RALY: variants seen among roughly 807,000 people sequenced by gnomAD.
The protein encoded by RALY is RALY heterogeneous nuclear ribonucleoprotein.
A neutral mutation model predicts 30.7 loss-of-function variants in RALY; 15 were observed. The observed-to-expected ratio is 0.49, with a 90% CI of 0.33 to 0.75. The LOEUF (loss-of-function observed/expected upper bound fraction) is 0.75, where lower values mean the gene tolerates loss of function less well. RALY is among the 30% of genes least tolerant of loss of function. The pLI, the probability that RALY is intolerant of heterozygous loss-of-function variation, is 0.02. For missense variants in RALY, 339 were observed against 414.3 expected, an observed-to-expected ratio of 0.82 and a Z score of 1.58; for synonymous variants, 177 against 170.8, an observed-to-expected ratio of 1.04 and a Z score of -0.28.
At chr20:34,004,868 G>A (rs925076342) in intron 1 of RALY, among the ~76,000 whole-genome samples, 4 of 152,170 alleles carry the variant, frequency 2.6e-5, no homozygotes, top group Admixed American at 6.5e-5. Flanking sequence ...CCATTTCTTT[G>A]TCAGCTTTTA....
rs2033743486 is a variant in RALY at position 34,072,094 on chromosome 20, C to G, written c.20C>G (p.Ala7Gly). 1 of 1,614,044 alleles carries G rather than the reference C, an allele frequency of 6.2e-7. No homozygotes were observed. Among genetic ancestry groups the G allele is most frequent in the Non-Finnish European group, 8.5e-7 (1 of 1,180,002 alleles). ...GGCACCATGTCCTTGAAGCTTCAGG[C>G]AAGCAATGTAACCAACAAGAATGAC... MSLKLQ[A>G]SNVTNKNDPK... Residue 7 changes from alanine (A) to glycine (G), a missense_variant, in exon 3 of 10, where the codon GCA becomes GGA. Ala to Gly is a moderately conservative substitution (Grantham distance 60, BLOSUM62 0). Around this residue, in one of 2 missense-constraint regions of RALY, gnomAD observed 71 missense variants for 133.7 expected, o/e 0.53. Transcript: ENST00000246194.
intron 1 of RALY, among the ~76,000 whole-genome samples, chr20:33,996,828 T>C (rs988061375): frequency 5.3e-5 from 8 of 152,202 alleles, no homozygotes; most frequent in African/African-American, 1.7e-4. Context: ...CGTTCTACTT[T>C]CTGTGAATTT....
At chr20:34,042,347 A>G (rs1233347829) in intron 2 of RALY, among the ~76,000 whole-genome samples, 2 of 152,204 alleles carry the variant, frequency 1.3e-5, no homozygotes, top group Non-Finnish European at 2.9e-5. Flanking sequence ...AGCCCAGCAA[A>G]GGAGAGTAAT....
intron 1 of RALY, among the ~76,000 whole-genome samples, chr20:34,000,133 G>A (rs905276605): frequency 9.2e-5 from 14 of 152,104 alleles, no homozygotes; most frequent in Admixed American, 2.6e-4. Flanking sequence ...ATGTTAACCT[G>A]CTTGTCCTAC....
intron 3 of RALY, among the ~76,000 whole-genome samples, chr20:34,072,691 G>C (rs1044558015): frequency 2.0e-5 from 3 of 152,108 alleles, no homozygotes; most frequent in Admixed American, 1.3e-4. Flanking sequence ...CGAGCAGGAG[G>C]GCCTGAGAGC....
chr20:34,049,641 C>T (rs1463197392), intron 2 of RALY, among the ~76,000 whole-genome samples: 1 of 152,106 alleles, frequency 6.6e-6, no homozygotes, highest in African/African-American at 2.4e-5. Context: ...TAATGATTGG[C>T]GTTTGTTTGG....
intron 1 of RALY, among the ~76,000 whole-genome samples, chr20:34,023,708 A>G (rs1451433910): frequency 6.6e-6 from 1 of 152,084 alleles, no homozygotes; most frequent in Non-Finnish European, 1.5e-5. Context: ...AGCACTGATC[A>G]TATGCTGGAG....
intron 1 of RALY, among the ~76,000 whole-genome samples, chr20:34,015,820 A>G (rs978983719): frequency 2.0e-5 from 3 of 152,182 alleles, no homozygotes; most frequent in East Asian, 1.9e-4. Context: ...CCCCATCCCT[A>G]CAGGCTCAAT....
At chr20:33,994,800 A>T (rs1322024922) in intron 1 of RALY, among the ~76,000 whole-genome samples, 1 of 152,008 alleles carries the variant, frequency 6.6e-6, no homozygotes, top group Non-Finnish European at 1.5e-5. Context: ...TCAGGGAGGG[A>T]ACTAATATGT....
At chr20:34,000,321 A>G (rs567512057) in intron 1 of RALY, among the ~76,000 whole-genome samples, 21 of 151,682 alleles carry the variant, frequency 1.4e-4, no homozygotes, top group African/African-American at 4.8e-4. Context: ...TTCCTCATAA[A>G]ATCATCTGGG....
rs751414108 is a variant in RALY at position 34,077,057 on chromosome 20, G to A, written c.688G>A (p.Ala230Thr). 56 of 1,280,440 alleles carry A rather than the reference G, an allele frequency of 4.4e-5. No individual in the cohort carries two copies. Among genetic ancestry groups the A allele is most frequent in the Non-Finnish European group, 5.2e-5 (50 of 955,496 alleles). The allele number at this position is 1,280,440 out of a possible 1,614,324, so 79.3% of individuals were successfully genotyped here. Residue 230 changes from alanine (A) to threonine (T), a missense_variant, in exon 8 of 10, where the codon GCC (alanine) becomes ACC (threonine). By Grantham distance (58) the Ala-to-Thr change is moderately conservative. Around this residue, in one of 2 missense-constraint regions of RALY, gnomAD observed 268 missense variants for 280.6 expected, o/e 0.95. Coordinates refer to ENST00000246194, the MANE Select transcript of RALY (RefSeq NM_016732.3). ...DGKKKGDGGG[A>T]GGGGGGGGSG... ...CAAGAAGAAGGGTGATGGAGGTGGC[G>A]CCGGCGGCGGCGGCGGTGGTGGTGG...
chr20:34,013,753 G>C (rs1393899663), intron 1 of RALY, among the ~76,000 whole-genome samples: 1 of 152,166 alleles, frequency 6.6e-6, no homozygotes, highest in Non-Finnish European at 1.5e-5. Flanking sequence ...TCATTCATTG[G>C]ATCGAGACAG....
At chr20:34,011,260 T>G (rs1399340365) in intron 1 of RALY, among the ~76,000 whole-genome samples, 2 of 152,006 alleles carry the variant, frequency 1.3e-5, no homozygotes, top group Non-Finnish European at 2.9e-5. Context: ...ATCAAATAAG[T>G]TACAGGATTA....
At chr20:34,047,897 C>T (rs2032939265) in intron 2 of RALY, among the ~76,000 whole-genome samples, 1 of 152,156 alleles carries the variant, frequency 6.6e-6, no homozygotes, top group South Asian at 2.1e-4. Context: ...TGACCAACCC[C>T]CAACCCCACC....
intron 1 of RALY, among the ~76,000 whole-genome samples, chr20:34,030,549 A>G (rs901666427): frequency 6.6e-6 from 1 of 152,244 alleles, no homozygotes; most frequent in Non-Finnish European, 1.5e-5. Context: ...TGTCTCAGCT[A>G]GAATCCAGGT....
intron 2 of RALY, among the ~76,000 whole-genome samples, chr20:34,059,345 G>A (rs2033349935): frequency 1.3e-5 from 2 of 152,182 alleles, no homozygotes; most frequent in South Asian, 4.1e-4. Context: ...GCTGAATTGT[G>A]CACCATCCAG....
At chr20:34,020,660 C>T (rs2031784852) in intron 1 of RALY, among the ~76,000 whole-genome samples, 1 of 152,228 alleles carries the variant, frequency 6.6e-6, no homozygotes, top group African/African-American at 2.4e-5. Flanking sequence ...CAGCCACACT[C>T]ATTTGTTCAT....
At chr20:34,013,537 C>T (rs2031494984) in intron 1 of RALY, among the ~76,000 whole-genome samples, 1 of 152,076 alleles carries the variant, frequency 6.6e-6, no homozygotes, top group Non-Finnish European at 1.5e-5. Flanking sequence ...GTAGAAATCC[C>T]CTTATCTTCT....
At chr20:34,060,338 C>T (rs971693481) in intron 2 of RALY, among the ~76,000 whole-genome samples, 1 of 152,170 alleles carries the variant, frequency 6.6e-6, no homozygotes, top group African/African-American at 2.4e-5. Context: ...TCAAAGGAAA[C>T]GCTCATTGGA....
Sources: gnomAD v4.1 joint callset for allele counts (sites outside exome capture counted in the v4.1 genomes callset) on GRCh38, gnomAD v4.1.1 for gene constraint, gnomAD v4.1.1 regional missense constraint, MANE v1.5 for transcripts, NCBI Gene and HGNC (gene_info 2026-07-23, HGNC 2026-07-21) for gene names.